Variants in TMEM50B observed in about 807,000 individuals in gnomAD.
TMEM50B encodes transmembrane protein 50B.
Under a neutral mutation model 23.4 loss-of-function variants are expected in TMEM50B, and 14 were observed. The observed-to-expected ratio is 0.60, with a 90% CI of 0.39 to 0.93. The LOEUF is 0.93. Among genes scored for constraint, TMEM50B ranks in the 40% least tolerant of loss-of-function variants. The pLI is 0.00. For missense variants in TMEM50B, 159 were observed against 193.0 expected, an observed-to-expected ratio of 0.82 and a Z score of 1.04; for synonymous variants, 64 against 62.3, an observed-to-expected ratio of 1.03 and a Z score of -0.13.
chr21:33,434,584 C>T (rs1331708077), intron 8 of TMEM50B, among the ~76,000 whole-genome samples: 1 of 151,986 alleles, frequency 6.6e-6, no homozygotes, highest in Admixed American at 6.6e-5. Flanking sequence ...TTGGGTAAAC[C>T]TAGAGTAAAG....
chr21:33,476,051 A>G (rs117910425), intron 1 of TMEM50B, among the ~76,000 whole-genome samples: 2,059 of 152,336 alleles, frequency 0.014, 29 homozygotes, highest in South Asian at 0.03. Context: ...TAAATCCTCT[A>G]TTATTTAATA....
intron 6 of TMEM50B, among the ~76,000 whole-genome samples, chr21:33,453,551 G>A (rs1446558678): frequency 6.6e-6 from 1 of 152,000 alleles, no homozygotes; most frequent in Non-Finnish European, 1.5e-5. Flanking sequence ...AAAAATGCTT[G>A]AAGAAATAAT....
intron 1 of TMEM50B, among the ~76,000 whole-genome samples, chr21:33,475,401 G>A (rs552680841): frequency 5.9e-5 from 9 of 152,156 alleles, no homozygotes; most frequent in Admixed American, 5.2e-4. Flanking sequence ...AGGCTGGAGT[G>A]CAGTGGCACG....
chr21:33,463,398 T>A (rs2084234726), intron 4 of TMEM50B, among the ~76,000 whole-genome samples: 1 of 152,246 alleles, frequency 6.6e-6, no homozygotes, highest in South Asian at 2.1e-4. Context: ...ACTTACTATA[T>A]GATCCCATTT....
At chr21:33,476,526 C>T (rs1275992426) in intron 1 of TMEM50B, among the ~76,000 whole-genome samples, 1 of 151,974 alleles carries the variant, frequency 6.6e-6, no homozygotes, top group Non-Finnish European at 1.5e-5. Context: ...CTTTGGGAAG[C>T]CGAGGCCAGC....
At chr21:33,449,063 G>T (rs1023302064), downstream of TMEM50B, 1 of 152,026 alleles carries the variant, frequency 6.6e-6, no homozygotes, top group Non-Finnish European at 1.5e-5. Context: ...CTTTAATTGG[G>T]TATACTTGAA....
Position 33,435,241 on chromosome 21 carries a change from G to A in TMEM50B, c.*2121-2439C>T, listed in dbSNP as rs17886570. Among the ~76,000 whole-genome samples the A allele has an allele frequency of 6.6e-3, 1,000 of 152,218 alleles. 13 individuals are homozygous for A. The highest frequency in any genetic ancestry group is 0.023 in the African/African-American group (964 of 41,572). ...TTAAGGCCTAAGGCCCTCGCTCCCAGATTCTCTGCTTGCTGTGCGCTGGTG... is the reference window on the plus strand; with the variant it reads ...TTAAGGCCTAAGGCCCTCGCTCCCAAATTCTCTGCTTGCTGTGCGCTGGTG... On this transcript the variant is annotated intron_variant and NMD_transcript_variant, in intron 8 of 8. Coordinates refer to the TMEM50B transcript ENST00000420455.
At chr21:33,433,209 C>T (rs905438171) in intron 8 of TMEM50B, among the ~76,000 whole-genome samples, 4 of 152,120 alleles carry the variant, frequency 2.6e-5, no homozygotes, top group African/African-American at 7.2e-5. Flanking sequence ...AATGGTGACA[C>T]ATCAGGGCCC....
At chr21:33,463,407 T>C (rs2084234788) in intron 4 of TMEM50B, among the ~76,000 whole-genome samples, 1 of 152,220 alleles carries the variant, frequency 6.6e-6, no homozygotes, top group Non-Finnish European at 1.5e-5. Flanking sequence ...ATGATCCCAT[T>C]TATATGAAAT....
At position 33,472,614 on chromosome 21, in the gene TMEM50B, C is replaced by T. The variant is rs142499457; in HGVS notation, c.-41-3688G>A. ...TAGATGGGCTGGGCACGGTGGCTCA[C>T]ACCTGCAATCCCAGCACTTTGGGAG... is the stretch of plus-strand genomic sequence containing the variant. On this transcript the variant is annotated intron_variant, in intron 1 of 6. Coordinates refer to ENST00000542230, the MANE Select transcript of TMEM50B (RefSeq NM_006134.7). Among the ~76,000 whole-genome samples the T allele has an allele frequency of 3.1e-3, 473 of 152,138 alleles. 2 individuals carry two copies. Among genetic ancestry groups the T allele is most frequent in the African/African-American group, 0.011 (442 of 41,538 alleles).
At chr21:33,478,824 GAAA>G (rs1452681390) in intron 1 of TMEM50B, 1 of 471,026 alleles carries the variant, frequency 2.1e-6, no homozygotes, top group Non-Finnish European at 4.4e-6. Flanking sequence ...ACAAAATGAT[GAAA>G]AAGTGTGACC....
intron 1 of TMEM50B, among the ~76,000 whole-genome samples, chr21:33,474,334 G>C (rs1436694321): frequency 6.6e-6 from 1 of 151,896 alleles, no homozygotes; most frequent in Non-Finnish European, 1.5e-5. Flanking sequence ...ACCATTCCCA[G>C]CCAGTTTTCT....
At chr21:33,467,929 T>C (rs1470842093) in intron 2 of TMEM50B, among the ~76,000 whole-genome samples, 1 of 152,196 alleles carries the variant, frequency 6.6e-6, no homozygotes, top group Non-Finnish European at 1.5e-5. Flanking sequence ...TATGAACCTG[T>C]AGTCCCAGCT....
chr21:33,455,524 A>T (rs1039128309), intron 6 of TMEM50B, among the ~76,000 whole-genome samples: 17 of 152,204 alleles, frequency 1.1e-4, no homozygotes, highest in Admixed American at 5.2e-4. Flanking sequence ...TAAAGGATCC[A>T]GCTAAAGTCT....
intron 5 of TMEM50B, among the ~76,000 whole-genome samples, chr21:33,456,565 G>A (rs924337821): frequency 2.0e-5 from 3 of 152,084 alleles, no homozygotes; most frequent in Non-Finnish European, 4.4e-5. Flanking sequence ...AAAAATACTG[G>A]AGAAGATGAA....
At chr21:33,448,496 A>T (rs8133486), downstream of TMEM50B, among the ~76,000 whole-genome samples, 86,406 of 149,392 alleles carry the variant, frequency 0.58, 26,826 homozygotes, top group East Asian at 0.83. Flanking sequence ...TTTTTTTTTT[A>T]ATGACATGGA....
chr21:33,441,100 G>A (rs1321261351), intron 7 of TMEM50B, among the ~76,000 whole-genome samples: 1 of 148,558 alleles, frequency 6.7e-6, no homozygotes, highest in Non-Finnish European at 1.5e-5. Context: ...CGCAGTGGCA[G>A]GTGCCTGTAA....
intron 2 of TMEM50B, 104 bp downstream of exon 2, chr21:33,468,683 A>C: frequency 1.2e-6 from 1 of 848,206 alleles, no homozygotes; most frequent in African/African-American, 1.7e-5. Context: ...AACAGCAGTG[A>C]AATAAATAGT....
intron 1 of TMEM50B, chr21:33,479,199 C>T (rs73366176): frequency 5.6e-6 from 1 of 178,946 alleles, no homozygotes; most frequent in African/African-American, 2.4e-5. Context: ...CCGCGACTAC[C>T]ACTGCTCCAG....
Sources: allele counts gnomAD v4.1 joint callset (sites outside exome capture counted in the v4.1 genomes callset), GRCh38; gene constraint gnomAD v4.1.1; transcripts MANE v1.5; gene names NCBI Gene and HGNC (gene_info 2026-07-23, HGNC 2026-07-21).